The following KANK1 variants were observed in gnomAD, a reference collection of about 807,000 sequenced individuals.
The protein encoded by KANK1 is KN motif and ankyrin repeat domain-containing protein 1.
Under a neutral mutation model 106.2 loss-of-function variants are expected in KANK1, and 109 were observed. The observed-to-expected ratio is 1.03, with a 90% CI of 0.88 to 1.20. KANK1 has a LOEUF of 1.20. Among genes scored for constraint, KANK1 ranks in the 50% most tolerant of loss-of-function variants. KANK1 has a pLI of 0.00. For missense variants in KANK1, 2,399 were observed against 1,710.7 expected (o/e 1.40, Z -7.10); for synonymous variants, 873 against 652.2 (o/e 1.34, Z -5.16).
chr9:646,315 A>T (rs1226406231), intron 1 of KANK1, among the ~76,000 whole-genome samples: 16 of 150,782 alleles, frequency 1.1e-4, no homozygotes, highest in Admixed American at 1.0e-3. Flanking sequence ...TGGGCAACAT[A>T]GCAAGACCTA....
chr9:716,481 C>T (rs1303021663), intron 3 of KANK1, among the ~76,000 whole-genome samples: 2 of 152,136 alleles, frequency 1.3e-5, no homozygotes, highest in Non-Finnish European at 2.9e-5. Flanking sequence ...AATTATTATA[C>T]CTCTCCAACT....
At chr9:735,578 C>G in intron 7 of KANK1, 1 of 184,238 alleles carries the variant, frequency 5.4e-6, no homozygotes, top group Non-Finnish European at 1.2e-5. Context: ...TGTAGGATCC[C>G]CTAAGGATAC....
rs572059109 is a variant in KANK1, at chr9:592,423, G to A, written c.-83-84467G>A. Among the ~76,000 whole-genome samples, 28 of 151,868 alleles carry A rather than the reference G, an allele frequency of 1.8e-4. 1 individual carries two copies. The highest frequency in any genetic ancestry group is 6.6e-4 in the African/African-American group (27 of 41,194). ...TTACATCCATACTGAATAAATGCCC[G>A]CAGCACTGGCTTGTCAGGGCCACAG... On this transcript the variant is annotated intron_variant, in intron 1 of 11. Coordinates refer to ENST00000382297, the MANE Select transcript of KANK1 (RefSeq NM_015158.5).
In KANK1 at chr9:711,089, T is replaced by C. The variant is rs141194618; in HGVS notation, c.323T>C (p.Ile108Thr). ...DDNKQCPNFL[I>T]ARSQVTSTPI... is the part of the protein sequence containing the mutation. ...AACAAGCAGTGCCCCAACTTCCTCA[T>C]AGCCAGAAGTCAAGTTACATCAACT... The change falls in exon 3 of 12, where the codon ATA becomes ACA. Residue 108 changes from isoleucine (I) to threonine (T), a missense_variant. By Grantham distance (89) the Ile-to-Thr change is moderately conservative (BLOSUM62 -1). Transcript: ENST00000382297. The C allele has an allele frequency of 6.2e-7, 1 of 1,614,044 alleles. No homozygotes were observed. Among genetic ancestry groups the C allele is most frequent in the Non-Finnish European group, 8.5e-7 (1 of 1,180,046 alleles).
At chr9:610,699 A>C (rs1190638700) in intron 1 of KANK1, among the ~76,000 whole-genome samples, 5 of 152,200 alleles carry the variant, frequency 3.3e-5, no homozygotes, top group African/African-American at 9.7e-5. Flanking sequence ...AGAATTGTAC[A>C]TTCCAGGAAC....
At chr9:500,297 C>A (rs1375334248), upstream of KANK1, among the ~76,000 whole-genome samples, 1 of 152,174 alleles carries the variant, frequency 6.6e-6, no homozygotes, top group African/African-American at 2.4e-5. Flanking sequence ...GACATGTCAG[C>A]TATGGAGTTA....
intron 1 of KANK1, chr9:549,801 G>T (rs1043167995): frequency 1.3e-5 from 2 of 152,314 alleles, no homozygotes; most frequent in African/African-American, 4.8e-5. Flanking sequence ...TCCTCACGCA[G>T]GTGGCGGTTA....
chr9:727,238 A>G (rs1830927508), intron 3 of KANK1, among the ~76,000 whole-genome samples: 1 of 152,214 alleles, frequency 6.6e-6, no homozygotes, highest in South Asian at 2.1e-4. Context: ...TAGACAATTA[A>G]GTGAAATAAT....
intron 1 of KANK1, among the ~76,000 whole-genome samples, chr9:523,113 C>T (rs2059624186): frequency 6.6e-6 from 1 of 151,610 alleles, no homozygotes; most frequent in Non-Finnish European, 1.5e-5. Flanking sequence ...AGGTCTCCAG[C>T]TCTGACTTTT....
chr9:708,409 C>A lies in KANK1; in HGVS notation c.38-2395C>A, dbSNP rs919950648. The stretch of plus-strand genomic sequence containing the variant: ...CACAAGTTTCCAGGCACAGCCCTCC[C>A]GACCAGCCCTCCCATTCTTAGGCTA... On this transcript the variant is annotated intron_variant, in intron 2 of 11. Transcript: ENST00000382297. 5.9e-5 allele frequency among the ~76,000 whole-genome samples: 9 copies of A among 152,356 alleles called. No individual in the cohort carries two copies. In the South Asian group the frequency reaches 1.9e-3, roughly 32 times the overall value.
intron 1 of KANK1, among the ~76,000 whole-genome samples, chr9:525,453 C>G (rs895339786): frequency 6.6e-6 from 1 of 151,198 alleles, no homozygotes; most frequent in Admixed American, 6.6e-5. Flanking sequence ...GATCTTGGCT[C>G]ACTGCAACTT....
At chr9:598,871 A>T in intron 1 of KANK1, among the ~76,000 whole-genome samples, 1 of 149,116 alleles carries the variant, frequency 6.7e-6, no homozygotes, top group Admixed American at 6.6e-5. Flanking sequence ...ACCTCAGGTG[A>T]TCCGCCCTCC....
At chr9:617,450 G>C (rs971290389) in intron 1 of KANK1, among the ~76,000 whole-genome samples, 1 of 152,174 alleles carries the variant, frequency 6.6e-6, no homozygotes, top group African/African-American at 2.4e-5. Flanking sequence ...GGGTTTATCT[G>C]TTTAGTCTAA....
At chr9:593,448 C>T (rs1327226822) in intron 1 of KANK1, among the ~76,000 whole-genome samples, 2 of 110,674 alleles carry the variant, frequency 1.8e-5, no homozygotes, top group Non-Finnish European at 4.4e-5. Context: ...GATCTTTATA[C>T]ATTCCCCCCC....
At chr9:503,961 A>G (rs1320143434), upstream of KANK1, among the ~76,000 whole-genome samples, 1 of 151,844 alleles carries the variant, frequency 6.6e-6, no homozygotes, top group Non-Finnish European at 1.5e-5. Context: ...TCCGCCGAGG[A>G]CTCTGTCCTG....
Position 526,258 on chromosome 9 carries a change from C to G in KANK1, c.-84+21504C>G, listed in dbSNP as rs537627986. ...ACGGGACGGCAGAGCAATGACTGTT[C>G]CCCAGCCCACAGGTAGGAGCTGGTG... On this transcript the variant is annotated intron_variant, in intron 1 of 11. Coordinates refer to ENST00000382297, the MANE Select transcript of KANK1 (RefSeq NM_015158.5). 1.9e-4 allele frequency among the ~76,000 whole-genome samples: 29 copies of G among 151,834 alleles called. 1 individual carries two copies. The highest frequency in any genetic ancestry group is 6.8e-4 in the African/African-American group (28 of 41,136).
chr9:665,465 T>G (rs1304088898), intron 1 of KANK1, among the ~76,000 whole-genome samples: 1 of 152,154 alleles, frequency 6.6e-6, no homozygotes, highest in African/African-American at 2.4e-5. Flanking sequence ...TGTCAAAAAT[T>G]AGTTGGCTGC....
At chr9:625,570 T>G (rs138705582) in intron 1 of KANK1, among the ~76,000 whole-genome samples, 18 of 151,918 alleles carry the variant, frequency 1.2e-4, no homozygotes, top group African/African-American at 4.1e-4. Context: ...AACCTTCTTG[T>G]GCGAGGAGTA....
chr9:593,396 G>T (rs1825460835), intron 1 of KANK1, among the ~76,000 whole-genome samples: 1 of 150,590 alleles, frequency 6.6e-6, no homozygotes, highest in African/African-American at 2.5e-5. Context: ...TGAGTTTATT[G>T]TATATACTTT....
Sources: allele counts gnomAD v4.1 joint callset (sites outside exome capture counted in the v4.1 genomes callset), GRCh38; gene constraint gnomAD v4.1.1; transcripts MANE v1.5; gene names NCBI Gene and HGNC (gene_info 2026-07-23, HGNC 2026-07-21).